SPATA13: variants seen among roughly 807,000 people sequenced by gnomAD.
SPATA13 encodes spermatogenesis-associated protein 13.
A neutral mutation model predicts 104.0 loss-of-function variants in SPATA13; 50 were observed. That is an observed-to-expected ratio of 0.48 (90% CI 0.38 to 0.61). The LOEUF (loss-of-function observed/expected upper bound fraction) is 0.61, where lower values mean the gene tolerates loss of function less well. SPATA13 is among the 20% of genes least tolerant of loss of function. The pLI is 0.00. For missense variants in SPATA13, 1,524 were observed against 1,690.6 expected (o/e 0.90, Z 1.73); for synonymous variants, 606 against 667.5 (o/e 0.91, Z 1.42).
Position 24,224,140 on chromosome 13 carries a change from A to G in SPATA13, c.1211A>G (p.Asp404Gly). The G allele has an allele frequency of 6.4e-7, 1 of 1,551,744 alleles. No individual in the cohort carries two copies. ...GSATSKGPHL[D>G]ADTAVFPLET... ...GCCACCTCTAAGGGGCCCCACCTAG[A>G]CGCTGACACTGCCGTATTTCCTCTT... The change falls in exon 2 of 13, where the codon GAC (aspartate) becomes GGC (glycine). Residue 404 changes from aspartate to glycine, a missense_variant. By Grantham distance (94) the Asp-to-Gly change is moderately conservative. This residue lies in a region of SPATA13 where 1,089 missense variants were observed against 1,135.9 expected (regional missense o/e 0.96). Transcript: ENST00000382108.
At chr13:24,192,135 G>T (rs1566142961) in intron 1 of SPATA13, among the ~76,000 whole-genome samples, 1 of 152,104 alleles carries the variant, frequency 6.6e-6, no homozygotes, top group African/African-American at 2.4e-5. Flanking sequence ...TTGTGGCCAT[G>T]CTCAGACAAG....
intron 3 of SPATA13, among the ~76,000 whole-genome samples, chr13:24,036,708 G>A (rs147207327): frequency 1.3e-5 from 2 of 152,214 alleles, no homozygotes; most frequent in East Asian, 3.9e-4. Context: ...TTCTGTGAAG[G>A]CTGCTCTCAC....
intron 1 of SPATA13, among the ~76,000 whole-genome samples, chr13:24,201,594 CCA>C (rs1157313578): frequency 1.3e-5 from 2 of 152,108 alleles, no homozygotes; most frequent in Non-Finnish European, 2.9e-5. Flanking sequence ...GTGCGTGCCA[CCA>C]CACTCAGCTA....
At chr13:24,160,261 T>A (rs886842611), upstream of SPATA13, among the ~76,000 whole-genome samples, 7 of 152,128 alleles carry the variant, frequency 4.6e-5, no homozygotes, top group Non-Finnish European at 7.4e-5. Flanking sequence ...TTTCTTTTTT[T>A]AAAAAACGGA....
chr13:24,120,120 C>G (rs988562902), intron 3 of SPATA13, among the ~76,000 whole-genome samples: 2 of 152,140 alleles, frequency 1.3e-5, no homozygotes, highest in African/African-American at 2.4e-5. Flanking sequence ...GTATCAGGCA[C>G]TTAGGCAGTC....
At chr13:24,162,989 A>C (rs1440012431) in intron 1 of SPATA13, among the ~76,000 whole-genome samples, 1 of 152,220 alleles carries the variant, frequency 6.6e-6, no homozygotes, top group African/African-American at 2.4e-5. Context: ...ATGGAGAAAA[A>C]CCTAATGCCG....
intron 2 of SPATA13, among the ~76,000 whole-genome samples, chr13:24,224,975 C>T (rs1566160631): frequency 2.6e-5 from 4 of 152,358 alleles, no homozygotes; most frequent in South Asian, 4.1e-4. Flanking sequence ...ACCTTTCCCA[C>T]AAAGTACATA....
At chr13:24,160,962 C>T (rs1279150010) in intron 1 of SPATA13, 30 bp downstream of exon 1, 8 of 982,074 alleles carry the variant, frequency 8.1e-6, no homozygotes, top group East Asian at 1.1e-4. Context: ...GCGGCTCTGC[C>T]GGGCGGGCGC....
At position 23,987,737 on chromosome 13, in the gene SPATA13, CTT is replaced by C. The variant is rs201682620; in HGVS notation, c.-147+3808_-147+3809del. On this transcript the variant is annotated intron_variant, in intron 2 of 14. Coordinates refer to the SPATA13 transcript ENST00000424834. ...TTCACCTCCATCCATCTGCAGAACTCTTTTTATTTTACACAATTGGAATTCCC... is the reference window on the plus strand; with the variant it reads ...TTCACCTCCATCCATCTGCAGAACTCTTTATTTTACACAATTGGAATTCCC... Among the ~76,000 whole-genome samples the C allele has an allele frequency of 3.4e-3, 511 of 152,242 alleles. 4 individuals are homozygous for C. The highest frequency in any genetic ancestry group is 0.012 in the African/African-American group (486 of 41,538).
At chr13:24,257,328 C>T (rs539490085) in intron 4 of SPATA13, among the ~76,000 whole-genome samples, 4 of 152,186 alleles carry the variant, frequency 2.6e-5, no homozygotes, top group South Asian at 2.1e-4. Flanking sequence ...ACCCGTGCAC[C>T]AAAGTCAGTC....
intron 3 of SPATA13, among the ~76,000 whole-genome samples, chr13:24,116,029 T>C (rs1292384950): frequency 6.6e-6 from 1 of 152,214 alleles, no homozygotes; most frequent in East Asian, 1.9e-4. Flanking sequence ...TTCTGCAATG[T>C]CATTTTGGGG....
chr13:24,194,155 T>C (rs773213712), intron 1 of SPATA13, among the ~76,000 whole-genome samples: 23 of 152,312 alleles, frequency 1.5e-4, no homozygotes, highest in Non-Finnish European at 2.6e-4. Context: ...TTGAGACACC[T>C]TGTAGAACCT....
intron 3 of SPATA13, among the ~76,000 whole-genome samples, chr13:24,040,060 AGAT>A (rs1877858038): frequency 6.6e-6 from 1 of 152,236 alleles, no homozygotes; most frequent in Non-Finnish European, 1.5e-5. Flanking sequence ...GAGCATATTC[AGAT>A]GATCATTTTA....
chr13:24,026,095 C>G (rs1368253752), intron 3 of SPATA13, among the ~76,000 whole-genome samples: 1 of 152,156 alleles, frequency 6.6e-6, no homozygotes, highest in Non-Finnish European at 1.5e-5. Flanking sequence ...GTTGCTAGTT[C>G]ATATATCTTG....
intron 3 of SPATA13, among the ~76,000 whole-genome samples, chr13:24,147,235 C>G (rs974664545): frequency 6.6e-6 from 1 of 152,038 alleles, no homozygotes; most frequent in Non-Finnish European, 1.5e-5. Flanking sequence ...GTACTTTAGG[C>G]AGAACAGGAT....
Position 24,302,590 on chromosome 13 carries a change from C to T in SPATA13, c.3659-8C>T, listed in dbSNP as rs746899125. ...TCCCTGTTCCATCTCTCTCCCCTCC[C>T]GAGTCAGGCTACAACAGGTGCCCTG... On this transcript the variant is annotated splice_polypyrimidine_tract_variant and splice_region_variant and intron_variant, in intron 12 of 12. Transcript: ENST00000382108. 34 of 1,580,600 alleles carry T rather than the reference C, an allele frequency of 2.2e-5. No homozygotes were observed. The highest frequency in any genetic ancestry group is 3.6e-5 in the Admixed American group (2 of 56,138).
At chr13:24,049,349 T>A (rs1241773076) in intron 3 of SPATA13, among the ~76,000 whole-genome samples, 1 of 152,230 alleles carries the variant, frequency 6.6e-6, no homozygotes, top group Non-Finnish European at 1.5e-5. Context: ...TACAGCTGCC[T>A]ACAGTACTCA....
intron 2 of SPATA13, among the ~76,000 whole-genome samples, chr13:24,244,467 T>C (rs2138650028): frequency 6.6e-6 from 1 of 152,354 alleles, no homozygotes; most frequent in South Asian, 2.1e-4. Flanking sequence ...AATGTCTCAC[T>C]GGAGGTAACA....
rs115991479 is a variant in SPATA13, at chr13:24,195,264, G to A, written c.-111-27555G>A. 9.9e-3 allele frequency among the ~76,000 whole-genome samples: 1,512 copies of A among 152,282 alleles called. 37 individuals are homozygous for A. The highest frequency in any genetic ancestry group is 0.035 in the African/African-American group (1,451 of 41,534). ...GATAATATTTTCAGTGTGCATTCAT[G>A]TTGTAGCATAGCATGTGTCAGTACT... On this transcript the variant is annotated intron_variant, in intron 1 of 12. Coordinates refer to ENST00000382108, the MANE Select transcript of SPATA13 (RefSeq NM_001166271.3).
Sources: gnomAD v4.1 joint callset for allele counts (sites outside exome capture counted in the v4.1 genomes callset) on GRCh38, gnomAD v4.1.1 for gene constraint, gnomAD v4.1.1 regional missense constraint, MANE v1.5 for transcripts, NCBI Gene and HGNC (gene_info 2026-07-23, HGNC 2026-07-21) for gene names.